Variants in TLN2 observed in about 807,000 individuals in gnomAD.
TLN2 encodes talin 2, also known as talin-2.
In TLN2, 118 loss-of-function variants were observed where a neutral mutation model predicts 294.7. The ratio of observed to expected loss-of-function variants is 0.40; its 90% CI spans 0.34 to 0.47. The LOEUF (loss-of-function observed/expected upper bound fraction) is 0.47, where lower values mean the gene tolerates loss of function less well. Among genes scored for constraint, TLN2 ranks in the 20% least tolerant of loss-of-function variants. The pLI, the probability that TLN2 is intolerant of heterozygous loss-of-function variation, is 0.84. For synonymous variants in TLN2, 1,431 were observed against 1,304.5 expected (o/e 1.10, Z -2.09); for missense variants, 3,083 against 3,282.2 (o/e 0.94, Z 1.48).
At chr15:62,396,718 C>CTT (rs371686423) in intron 1 of TLN2, among the ~76,000 whole-genome samples, 3 of 145,554 alleles carry the variant, frequency 2.1e-5, no homozygotes, top group Middle Eastern at 3.2e-3. Flanking sequence ...AGAAGGCTTT[C>CTT]TTTTTTTTTT....
At chr15:62,525,609 G>T (rs1382982817) in intron 1 of TLN2, among the ~76,000 whole-genome samples, 1 of 152,212 alleles carries the variant, frequency 6.6e-6, no homozygotes, top group Non-Finnish European at 1.5e-5. Context: ...AAACATAACT[G>T]CAGTCACCCT....
chr15:62,769,265 C>T (rs986747173), intron 41 of TLN2, among the ~76,000 whole-genome samples: 8 of 152,220 alleles, frequency 5.3e-5, no homozygotes, highest in Non-Finnish European at 7.3e-5. Context: ...TTCAGTGCTC[C>T]GTTCCCTTTG....
chr15:62,452,931 C>A (rs1005071422), intron 1 of TLN2, among the ~76,000 whole-genome samples: 1 of 152,046 alleles, frequency 6.6e-6, no homozygotes, highest in African/African-American at 2.4e-5. Flanking sequence ...TAGTGTTTTC[C>A]CTGGAATGAA....
At chr15:62,708,940 C>A in intron 21 of TLN2, 144 bp downstream of exon 21, 1 of 982,502 alleles carries the variant, frequency 1.0e-6, no homozygotes. Flanking sequence ...CACTGAAGCT[C>A]AGAAAAAGAT....
Position 62,748,507 on chromosome 15 carries a change from G to A in TLN2, c.4119+63G>A, listed in dbSNP as rs143568579. The stretch of plus-strand genomic sequence containing the variant: ...GGAGTGTCTGTGTCTGTGTGTCTGT[G>A]TGTCTGTCTGTCTATGTCTGTGTCT... On this transcript the variant is annotated intron_variant, in intron 33 of 58. Coordinates refer to ENST00000636159, the MANE Select transcript of TLN2 (RefSeq NM_015059.3). 47 of 1,276,870 alleles carry A rather than the reference G, an allele frequency of 3.7e-5. No individual in the cohort carries two copies. The South Asian group carries it at 4.7e-4, about 13-fold the overall frequency. The allele number at this position is 1,276,870 out of a possible 1,614,324, so 79.1% of individuals were successfully genotyped here. A position where few individuals can be genotyped will look rare whatever the true frequency, so the allele number is the denominator to read the frequency against.
chr15:62,561,663 CTCTT>C (rs2042969349), intron 1 of TLN2, among the ~76,000 whole-genome samples: 1 of 152,026 alleles, frequency 6.6e-6, no homozygotes, highest in Non-Finnish European at 1.5e-5. Context: ...CTGTCTCTCT[CTCTT>C]TTTTTTTCCG....
chr15:62,598,375 G>A (rs947340935), intron 2 of TLN2, among the ~76,000 whole-genome samples: 1 of 152,054 alleles, frequency 6.6e-6, no homozygotes, highest in East Asian at 1.9e-4. Context: ...CCAGAAAATC[G>A]CTGCTTCTCT....
intron 32 of TLN2, among the ~76,000 whole-genome samples, chr15:62,742,173 C>G (rs1277756761): frequency 5.3e-5 from 8 of 151,936 alleles, no homozygotes; most frequent in Non-Finnish European, 1.2e-4. Flanking sequence ...TAGCTAGAGC[C>G]ACTAGGGGAC....
At chr15:62,701,743 C>T (rs2058732735) in intron 17 of TLN2, among the ~76,000 whole-genome samples, 1 of 152,172 alleles carries the variant, frequency 6.6e-6, no homozygotes, top group African/African-American at 2.4e-5. Context: ...CTGTGAGATG[C>T]CGAGACATCC....
At chr15:62,766,017 C>A (rs1166340795) in intron 40 of TLN2, among the ~76,000 whole-genome samples, 1 of 152,200 alleles carries the variant, frequency 6.6e-6, no homozygotes, top group Non-Finnish European at 1.5e-5. Context: ...CATGACTGTT[C>A]CGCATGTCTA....
At chr15:62,461,451 A>G (rs1209237291) in intron 1 of TLN2, among the ~76,000 whole-genome samples, 1 of 151,974 alleles carries the variant, frequency 6.6e-6, no homozygotes, top group Non-Finnish European at 1.5e-5. Flanking sequence ...CAGTTTCCAG[A>G]CTCTGGCTGT....
intron 2 of TLN2, among the ~76,000 whole-genome samples, chr15:62,615,615 T>A (rs2048252969): frequency 6.6e-6 from 1 of 152,246 alleles, no homozygotes; most frequent in African/African-American, 2.4e-5. Context: ...TTTCTTTTAG[T>A]CTTTTATGTT....
At chr15:62,655,623 TCCACAGAGGG>T (rs1439075510) in intron 7 of TLN2, among the ~76,000 whole-genome samples, 1,307 of 2,322 alleles carry the variant, frequency 0.56, 631 homozygotes, top group East Asian at 1. Context: ...TGTCCCCTGC[TCCACAGAGGG>T]TGTACTGGGC....
At chr15:62,410,825 A>G (rs2033730265) in intron 1 of TLN2, among the ~76,000 whole-genome samples, 1 of 152,336 alleles carries the variant, frequency 6.6e-6, no homozygotes, top group South Asian at 2.1e-4. Flanking sequence ...GTACGGTGAT[A>G]AGGTAGCGTA....
chr15:62,620,228 C>T (rs1343490980), intron 3 of TLN2, among the ~76,000 whole-genome samples: 1 of 152,024 alleles, frequency 6.6e-6, no homozygotes, highest in Non-Finnish European at 1.5e-5. Context: ...TAATCTTTAT[C>T]GAGGTTTTAA....
chr15:62,800,558 C>G (rs754979560), intron 49 of TLN2, 65 bp downstream of exon 49: 3 of 1,609,078 alleles, frequency 1.9e-6, no homozygotes, highest in Non-Finnish European at 2.5e-6. Context: ...GAAGGAGAGG[C>G]GTCCTTGCTC....
chr15:62,537,779 T>C (rs1249009813), intron 1 of TLN2, among the ~76,000 whole-genome samples: 1 of 152,176 alleles, frequency 6.6e-6, no homozygotes, highest in African/African-American at 2.4e-5. Flanking sequence ...ACTTCTCTGC[T>C]CCTGTGCTCT....
intron 25 of TLN2, among the ~76,000 whole-genome samples, chr15:62,721,825 A>G (rs1033675470): frequency 6.6e-6 from 1 of 152,106 alleles, no homozygotes; most frequent in African/African-American, 2.4e-5. Context: ...AAAAGGTAGG[A>G]TATGTGAGAC....
chr15:62,644,847 G>A (rs1452158551), intron 3 of TLN2: 1 of 307,060 alleles, frequency 3.3e-6, no homozygotes, highest in Non-Finnish European at 6.3e-6. Flanking sequence ...CATGGTTAGG[G>A]GGACCATTCA....
Sources: allele counts gnomAD v4.1 joint callset (sites outside exome capture counted in the v4.1 genomes callset), GRCh38; gene constraint gnomAD v4.1.1; transcripts MANE v1.5; gene names NCBI Gene and HGNC (gene_info 2026-07-23, HGNC 2026-07-21).